ARL15: variants seen among roughly 807,000 people sequenced by gnomAD.
The protein encoded by ARL15 is ARF like GTPase 15.
A neutral mutation model predicts 25.2 loss-of-function variants in ARL15; 19 were observed. The ratio of observed to expected loss-of-function variants is 0.75; its 90% CI spans 0.53 to 1.10. The LOEUF is 1.10. ARL15 is among the 50% of genes least tolerant of loss of function. The probability of loss-of-function intolerance (pLI) is 0.00; values close to 1 mark genes in which losing one functional copy is unlikely to be tolerated. For synonymous variants in ARL15, 94 were observed against 86.8 expected, an observed-to-expected ratio of 1.08 and a Z score of -0.46; for missense variants, 220 against 246.0, an observed-to-expected ratio of 0.89 and a Z score of 0.71.
At chr5:54,222,991 T>G (rs1341691368) in intron 1 of ARL15, among the ~76,000 whole-genome samples, 3 of 150,228 alleles carry the variant, frequency 2.0e-5, no homozygotes, top group Non-Finnish European at 1.5e-5. Context: ...GGATTTTTTT[T>G]TTTTTTTTTT....
chr5:53,986,944 A>AAT (rs1429833084), intron 4 of ARL15, among the ~76,000 whole-genome samples: 2 of 152,164 alleles, frequency 1.3e-5, no homozygotes, highest in Non-Finnish European at 2.9e-5. Context: ...ACACAAAAGA[A>AAT]ATATATATAC....
chr5:54,230,250 G>GGCA, intron 1 of ARL15, among the ~76,000 whole-genome samples: 1 of 151,540 alleles, frequency 6.6e-6, no homozygotes, highest in South Asian at 2.1e-4. Context: ...GGGAGGCTGA[G>GGCA]GCAGGAGAAT....
intron 3 of ARL15, among the ~76,000 whole-genome samples, chr5:54,146,322 A>C (rs1753909846): frequency 6.6e-6 from 1 of 152,184 alleles, no homozygotes; most frequent in South Asian, 2.1e-4. Flanking sequence ...GTAGGGGCCA[A>C]AGCAAGATAG....
Position 54,113,240 on chromosome 5 carries a change from T to C in ARL15, c.424A>G (p.Asn142Asp). 6.2e-7 allele frequency: 1 copy of C among 1,613,848 alleles called. No individual in the cohort carries two copies. The highest frequency in any genetic ancestry group is 8.5e-7 in the Non-Finnish European group (1 of 1,179,852). The change falls in exon 4 of 5, where the codon AAT (asparagine) becomes GAT (aspartate). Residue 142 changes from asparagine to aspartate, a missense_variant. By Grantham distance (23) the Asn-to-Asp change is conservative. Coordinates refer to ENST00000504924, the MANE Select transcript of ARL15 (RefSeq NM_019087.3). ...LCTLPFLILA[N>D]HQDKPAARSV... ...CGAGCTGCTGGCTTGTCTTGATGAT[T>C]GGCCAATATTAAAAAGGGTAAAGTG...
intron 4 of ARL15, among the ~76,000 whole-genome samples, chr5:53,924,189 A>C (rs899749733): frequency 1.3e-5 from 2 of 152,196 alleles, no homozygotes; most frequent in South Asian, 2.1e-4. Context: ...GCAGACTGAG[A>C]GCTTTAGCAG....
intron 4 of ARL15, among the ~76,000 whole-genome samples, chr5:53,962,738 C>G (rs1429399488): frequency 1.3e-5 from 2 of 151,974 alleles, no homozygotes. Flanking sequence ...TAAACTGGAT[C>G]AAAGGCCTAA....
At chr5:54,106,824 G>C (rs1752602563) in intron 4 of ARL15, among the ~76,000 whole-genome samples, 1 of 151,894 alleles carries the variant, frequency 6.6e-6, no homozygotes, top group South Asian at 2.1e-4. Context: ...ACAACCTTAA[G>C]GAGTAGACAG....
At chr5:54,060,110 T>A in intron 4 of ARL15, among the ~76,000 whole-genome samples, 1 of 130,992 alleles carries the variant, frequency 7.6e-6, no homozygotes, top group Non-Finnish European at 1.5e-5. Context: ...AGTGAATGAG[T>A]CTCATGAGAT....
chr5:54,165,594 T>G (rs779638901), intron 2 of ARL15, among the ~76,000 whole-genome samples: 1 of 151,820 alleles, frequency 6.6e-6, no homozygotes, highest in South Asian at 2.1e-4. Flanking sequence ...TTCTTACTCA[T>G]GTAACATCTT....
chr5:53,899,271 C>T (rs1472837710), intron 4 of ARL15, among the ~76,000 whole-genome samples: 2 of 144,384 alleles, frequency 1.4e-5, no homozygotes, highest in Non-Finnish European at 3.0e-5. Context: ...TCGCTTGAAC[C>T]TGGGAGGCAG....
intron 4 of ARL15, among the ~76,000 whole-genome samples, chr5:54,045,953 T>C (rs916316092): frequency 6.6e-6 from 1 of 152,246 alleles, no homozygotes; most frequent in Non-Finnish European, 1.5e-5. Flanking sequence ...TATGACTGCT[T>C]TCTTTCCTCA....
At chr5:54,215,365 G>A (rs1475395897) in intron 1 of ARL15, among the ~76,000 whole-genome samples, 2 of 152,130 alleles carry the variant, frequency 1.3e-5, no homozygotes, top group Non-Finnish European at 2.9e-5. Flanking sequence ...ATGGGTGGCT[G>A]TATCTGTCTG....
chr5:54,228,047 T>C (rs534147060), intron 1 of ARL15, among the ~76,000 whole-genome samples: 1 of 152,328 alleles, frequency 6.6e-6, no homozygotes, highest in East Asian at 1.9e-4. Context: ...GGGACTTGTA[T>C]GTCTGTAACG....
At chr5:54,194,196 G>T (rs2112464339) in intron 1 of ARL15, among the ~76,000 whole-genome samples, 2 of 151,990 alleles carry the variant, frequency 1.3e-5, no homozygotes, top group South Asian at 4.2e-4. Flanking sequence ...TTCAATCAAA[G>T]AACTTAAGCA....
Position 54,113,208 on chromosome 5 carries a change from T to C in ARL15, c.456A>G (p.Val152=). 6.2e-7 allele frequency: 1 copy of C among 1,613,546 alleles called. No homozygotes were observed. Among genetic ancestry groups the C allele is most frequent in the Non-Finnish European group, 8.5e-7 (1 of 1,179,820 alleles). The part of the protein sequence containing the change: ...NHQDKPAARS[V]QEIKKYFELE... ...TCATGCTAATGAGACATACCTCTTG[T>C]ACTGAGCGAGCTGCTGGCTTGTCTT... The change falls in exon 4 of 5, where the codon GTA becomes GTG. Residue 152 remains valine, a synonymous_variant. Transcript: ENST00000504924.
chr5:54,057,062 TA>T lies in ARL15; in HGVS notation c.462+56139del, dbSNP rs71598896. Among the ~76,000 whole-genome samples, 834 of 145,140 alleles carry T rather than the reference TA, an allele frequency of 5.7e-3. 11 individuals are homozygous for T. The highest frequency in any genetic ancestry group is 0.019 in the African/African-American group (766 of 40,018). ...TTAGAAAGAAAAATGTATAGTCTAATAAAAAAAAAAGAGGATAGAAATCACC... is the reference window on the plus strand; with the variant it reads ...TTAGAAAGAAAAATGTATAGTCTAATAAAAAAAAAGAGGATAGAAATCACC... On this transcript the variant is annotated intron_variant, in intron 4 of 4. Transcript: ENST00000504924.
intron 4 of ARL15, among the ~76,000 whole-genome samples, chr5:54,074,142 T>G (rs1751508867): frequency 2.0e-5 from 3 of 152,224 alleles, no homozygotes; most frequent in Admixed American, 1.3e-4. Context: ...ATACCAGATC[T>G]GGATTATAAC....
chr5:54,028,507 A>G lies in ARL15; in HGVS notation c.462+84695T>C, dbSNP rs1188052462. Among the ~76,000 whole-genome samples, 21 of 90,438 alleles carry G rather than the reference A, an allele frequency of 2.3e-4. No homozygotes were observed. In the East Asian group the frequency reaches 0.012, roughly 53 times the overall value. 59.3% of individuals were successfully genotyped at this position (90,438 alleles called of 152,430 possible). A position where few individuals can be genotyped will look rare whatever the true frequency, so the allele number is the denominator to read the frequency against. On this transcript the variant is annotated intron_variant, in intron 4 of 4. Coordinates refer to ENST00000504924, the MANE Select transcript of ARL15 (RefSeq NM_019087.3). ...GGTTGAGGGGAATCTTCTTTTTAGT[A>G]AATTAAAAAAAAAAAAAAACCACAA...
intron 4 of ARL15, among the ~76,000 whole-genome samples, chr5:53,909,776 T>A (rs992809425): frequency 6.6e-6 from 1 of 151,746 alleles, no homozygotes; most frequent in African/African-American, 2.4e-5. Context: ...AAAAGAGAAT[T>A]TAAGGAAATA....
Sources: allele counts gnomAD v4.1 joint callset (sites outside exome capture counted in the v4.1 genomes callset), GRCh38; gene constraint gnomAD v4.1.1; transcripts MANE v1.5; gene names NCBI Gene and HGNC (gene_info 2026-07-23, HGNC 2026-07-21).